The following CCR5AS variants were observed in gnomAD, a reference collection of about 807,000 sequenced individuals.
The protein encoded by CCR5AS is CCR5 antisense RNA.
chr3:46,394,561 G>C (rs1246010398), intron 1 of CCR5AS, among the ~76,000 whole-genome samples: 1 of 152,116 alleles, frequency 6.6e-6, no homozygotes, highest in Admixed American at 6.5e-5. Flanking sequence ...CCTCCCCAGT[G>C]GCGCGTGCAC....
intron 1 of CCR5AS, among the ~76,000 whole-genome samples, chr3:46,395,325 A>G (rs1231525960): frequency 6.6e-6 from 1 of 152,066 alleles, no homozygotes; most frequent in African/African-American, 2.4e-5. Context: ...CAGCAGAGTG[A>G]CTGAGTAGAG....
intron 2 of CCR5AS, chr3:46,374,104 A>T: frequency 2.0e-6 from 1 of 511,080 alleles, no homozygotes; most frequent in Non-Finnish European, 3.5e-6. Flanking sequence ...TCATCCATTT[A>T]TTTGGCATCT....
intron 1 of CCR5AS, among the ~76,000 whole-genome samples, chr3:46,405,373 C>G (rs1426069080): frequency 1.3e-5 from 2 of 152,192 alleles, no homozygotes; most frequent in East Asian, 1.9e-4. Flanking sequence ...ACATGAGGTG[C>G]CTGACTGCTG....
At chr3:46,380,859 T>C (rs1435365464) in intron 2 of CCR5AS, among the ~76,000 whole-genome samples, 5 of 152,232 alleles carry the variant, frequency 3.3e-5, no homozygotes, top group African/African-American at 2.4e-5. Flanking sequence ...CAGGTGATTC[T>C]AAGTGTAGCC....
chr3:46,401,058 G>C (rs1041372143), intron 1 of CCR5AS, among the ~76,000 whole-genome samples: 1 of 152,160 alleles, frequency 6.6e-6, no homozygotes, highest in Non-Finnish European at 1.5e-5. Flanking sequence ...GAGGAAAAGC[G>C]TGGGAGAAAG....
chr3:46,364,261 C>A (rs1053679004), downstream of CCR5AS, among the ~76,000 whole-genome samples: 2 of 152,244 alleles, frequency 1.3e-5, no homozygotes, highest in African/African-American at 4.8e-5. Context: ...GAGGTGAATG[C>A]AGCTGATGAC....
intron 2 of CCR5AS, chr3:46,373,664 CCTT>C: frequency 6.2e-7 from 1 of 1,614,160 alleles, no homozygotes; most frequent in Non-Finnish European, 8.5e-7. Context: ...ACAACATTGT[CCTT>C]CTCCTGAACA....
chr3:46,401,648 C>T (rs1011437680), intron 1 of CCR5AS, among the ~76,000 whole-genome samples: 6 of 152,290 alleles, frequency 3.9e-5, no homozygotes, highest in South Asian at 4.1e-4. Context: ...TTGGCATGAA[C>T]GCAGACATGG....
chr3:46,380,279 C>T (rs1701804350), intron 2 of CCR5AS, among the ~76,000 whole-genome samples: 1 of 151,888 alleles, frequency 6.6e-6, no homozygotes, highest in Non-Finnish European at 1.5e-5. Context: ...ATGAACTTGC[C>T]CTGTAAAGAA....
Position 46,365,294 on chromosome 3 carries a change from G to T in CCR5AS, n.566-249C>A, listed in dbSNP as rs371004198. Among the ~76,000 whole-genome samples the T allele has an allele frequency of 7.2e-5, 11 of 152,198 alleles. No homozygotes were observed. The East Asian group carries it at 1.4e-3, about 19-fold the overall frequency. ...CCCCAGCTTTAGCAACCACCACCCTGATCAGTAAGCAGCCATCAACATCAA... is the reference window on the plus strand; with the variant it reads ...CCCCAGCTTTAGCAACCACCACCCTTATCAGTAAGCAGCCATCAACATCAA... On this transcript the variant is annotated intron_variant and non_coding_transcript_variant, in intron 3 of 3. Transcript: ENST00000451485.
chr3:46,379,560 C>G (rs1263582210), intron 2 of CCR5AS, among the ~76,000 whole-genome samples: 1 of 152,100 alleles, frequency 6.6e-6, no homozygotes, highest in African/African-American at 2.4e-5. Flanking sequence ...ATGATTTATT[C>G]CAAACCTCCT....
At chr3:46,373,754 T>A in intron 2 of CCR5AS, 1 of 1,613,840 alleles carries the variant, frequency 6.2e-7, no homozygotes, top group Non-Finnish European at 8.5e-7. Flanking sequence ...TGACAGAGAC[T>A]CTTGGGATGA....
intron 2 of CCR5AS, chr3:46,376,353 T>C (rs1701758008): frequency 2.6e-5 from 4 of 152,232 alleles, no homozygotes; most frequent in Admixed American, 2.6e-4. Flanking sequence ...ATTGTATTTT[T>C]GTATTTTCTT....
At position 46,383,205 on chromosome 3, in the gene CCR5AS, G is replaced by A. The variant is rs866776908; in HGVS notation, n.391+9620C>T. Among the ~76,000 whole-genome samples, 12 of 152,292 alleles carry A rather than the reference G, an allele frequency of 7.9e-5. No individual in the cohort carries two copies. The East Asian group carries it at 2.1e-3, about 27-fold the overall frequency. The stretch of plus-strand genomic sequence containing the variant: ...ATTTTGTAAGTAATGGATGGAAAGG[G>A]CCTCACAACTTTATGGCACTGTGTT... On this transcript the variant is annotated intron_variant and non_coding_transcript_variant, in intron 2 of 3. Transcript: ENST00000451485.
chr3:46,379,001 C>CT (rs775443220), intron 2 of CCR5AS, among the ~76,000 whole-genome samples: 256 of 125,486 alleles, frequency 2.0e-3, no homozygotes, highest in Middle Eastern at 0.012. Context: ...TGGTAAATTT[C>CT]TTTTTTTTTT....
At chr3:46,393,962 C>T (rs1575286595) in intron 1 of CCR5AS, among the ~76,000 whole-genome samples, 1 of 152,220 alleles carries the variant, frequency 6.6e-6, no homozygotes, top group Non-Finnish European at 1.5e-5. Context: ...CATGTTCAAT[C>T]CAGCCCCGTG....
chr3:46,385,138 A>G (rs1236585129), intron 2 of CCR5AS, among the ~76,000 whole-genome samples: 4 of 152,178 alleles, frequency 2.6e-5, no homozygotes, highest in African/African-American at 9.7e-5. Flanking sequence ...TGCATTAGCT[A>G]TTTATCACTC....
chr3:46,377,251 C>T (rs1701770694), intron 2 of CCR5AS, among the ~76,000 whole-genome samples: 4 of 152,214 alleles, frequency 2.6e-5, no homozygotes. Flanking sequence ...CAGAGCCCGT[C>T]CCCATTACCT....
At chr3:46,395,575 G>A (rs1210845252) in intron 1 of CCR5AS, among the ~76,000 whole-genome samples, 1 of 152,162 alleles carries the variant, frequency 6.6e-6, no homozygotes, top group Non-Finnish European at 1.5e-5. Flanking sequence ...AAACATCCAT[G>A]GAACCCTGTG....
Sources: allele counts gnomAD v4.1 joint callset (sites outside exome capture counted in the v4.1 genomes callset), GRCh38; gene constraint gnomAD v4.1.1; transcripts MANE v1.5; gene names NCBI Gene and HGNC (gene_info 2026-07-23, HGNC 2026-07-21).